The following PPP6R3 variants were observed in gnomAD, a reference collection of about 807,000 sequenced individuals.
PPP6R3 encodes the protein protein phosphatase 6 regulatory subunit 3, also known as serine/threonine-protein phosphatase 6 regulatory subunit 3.
PPP6R3 carries 38 observed loss-of-function variants against 110.7 expected under a neutral mutation model. The observed-to-expected ratio is 0.34, with a 90% CI of 0.26 to 0.45. The LOEUF (loss-of-function observed/expected upper bound fraction) is 0.45. Among genes scored for constraint, PPP6R3 ranks in the 20% least tolerant of loss-of-function variants. The pLI is 1.00. For synonymous variants in PPP6R3, 369 were observed against 373.5 expected (o/e 0.99, Z 0.14); for missense variants, 870 against 1,062.4 (o/e 0.82, Z 2.52).
chr11:68,544,040 G>A (rs903839237), intron 3 of PPP6R3, among the ~76,000 whole-genome samples: 8 of 152,172 alleles, frequency 5.3e-5, no homozygotes, highest in Admixed American at 3.9e-4. Flanking sequence ...ATGGTGGGCT[G>A]ACTTTGTGTC....
In PPP6R3 at chr11:68,537,733, A is replaced by C. The variant is rs2099278081; in HGVS notation, c.69A>C (p.Thr23=). ...CACTTCTAGAAAGAGAAGATGTAAC[A>C]CTGAAGGAGTTAATGGATGAGGAAG... ...IDTLLEREDV[T]LKELMDEEDV... Residue 23 remains threonine, a synonymous_variant, in exon 3 of 24, where the codon ACA becomes ACC. Coordinates refer to ENST00000393800, the MANE Select transcript of PPP6R3 (RefSeq NM_001164161.2). The C allele has an allele frequency of 8.7e-6, 14 of 1,613,314 alleles. No individual in the cohort carries two copies. In the East Asian group the frequency reaches 3.1e-4, roughly 36 times the overall value.
intron 14 of PPP6R3, among the ~76,000 whole-genome samples, chr11:68,581,416 T>C (rs958828177): frequency 6.6e-6 from 1 of 152,240 alleles, no homozygotes; most frequent in Non-Finnish European, 1.5e-5. Context: ...CGAATCCTAT[T>C]TTAACTTAGA....
intron 1 of PPP6R3, among the ~76,000 whole-genome samples, chr11:68,489,338 T>C (rs938320151): frequency 5.3e-5 from 8 of 152,190 alleles, no homozygotes; most frequent in African/African-American, 1.7e-4. Context: ...TTGGTTTTAA[T>C]TGATCATTTT....
In PPP6R3 at chr11:68,477,741, A is replaced by AAAAATATATAT; in HGVS notation, c.-158+16915_-158+16916insAAATATATATA. The stretch of plus-strand genomic sequence containing the variant: ...GACATTGTCTCTTAAAAAAAAAAAA[A>AAAAATATATAT]ATATATATATATATATATATATATA... On this transcript the variant is annotated intron_variant, in intron 1 of 23. Coordinates refer to ENST00000393800, the MANE Select transcript of PPP6R3 (RefSeq NM_001164161.2). Among the ~76,000 whole-genome samples, 83 of 57,886 alleles carry AAAAATATATAT rather than the reference A, an allele frequency of 1.4e-3. 1 individual carries two copies. The highest frequency in any genetic ancestry group is 0.012 in the Middle Eastern group (1 of 86). The allele number at this position is 57,886 out of a possible 152,430, so 38.0% of individuals were successfully genotyped here.
chr11:68,591,601 G>A lies in PPP6R3; in HGVS notation c.1811G>A (p.Cys604Tyr). The A allele has an allele frequency of 6.2e-7, 1 of 1,607,790 alleles. No individual in the cohort carries two copies. The highest frequency in any genetic ancestry group is 8.5e-7 in the Non-Finnish European group (1 of 1,177,820). The change falls in exon 18 of 24, where the codon TGT (cysteine) becomes TAT (tyrosine). Residue 604 changes from cysteine (C) to tyrosine (Y), a missense_variant. Transcript: ENST00000393800. ...GGAAATATTGCCTTGTTTGAAGCAT[G>A]TTGTAAGGAAAGAATACAACAGTTT... is the stretch of plus-strand genomic sequence containing the variant. ...ESGNIALFEA[C>Y]CKERIQQFDD... is the part of the protein sequence containing the mutation.
chr11:68,507,378 T>C (rs1411809636), intron 1 of PPP6R3, among the ~76,000 whole-genome samples: 2 of 152,142 alleles, frequency 1.3e-5, no homozygotes, highest in African/African-American at 2.4e-5. Flanking sequence ...TCTATAGTTA[T>C]TTTTGTTGGA....
At chr11:68,547,788 AGAAT>A (rs2099355230) in intron 4 of PPP6R3, among the ~76,000 whole-genome samples, 1 of 152,232 alleles carries the variant, frequency 6.6e-6, no homozygotes, top group Non-Finnish European at 1.5e-5. Flanking sequence ...CCATTCTTTG[AGAAT>A]GAATAATGAA....
intron 4 of PPP6R3, among the ~76,000 whole-genome samples, chr11:68,547,263 G>C (rs10219316): frequency 6.6e-6 from 1 of 152,090 alleles, no homozygotes; most frequent in Non-Finnish European, 1.5e-5. Flanking sequence ...CCACGCCCCA[G>C]AGCTTTTGAG....
intron 6 of PPP6R3, among the ~76,000 whole-genome samples, chr11:68,552,420 A>C (rs2099384866): frequency 6.6e-6 from 1 of 152,216 alleles, no homozygotes; most frequent in East Asian, 1.9e-4. Context: ...TCATACCTGG[A>C]CTTTATTAAA....
At chr11:68,594,299 G>GGAGA (rs748973539) in intron 18 of PPP6R3, among the ~76,000 whole-genome samples, 11 of 139,310 alleles carry the variant, frequency 7.9e-5, no homozygotes, top group Middle Eastern at 3.8e-3. Flanking sequence ...AGAGGAGAGA[G>GGAGA]GAGAGAGAGA....
intron 11 of PPP6R3, 144 bp from the exon 12 acceptor site, chr11:68,570,896 T>A (rs2099501690): frequency 2.0e-6 from 2 of 999,630 alleles, no homozygotes; most frequent in Admixed American, 3.2e-5. Context: ...TGCAGTAGAT[T>A]GATGATCACA....
At chr11:68,558,472 T>A in intron 7 of PPP6R3, 94 bp from the exon 8 acceptor site, 1 of 751,438 alleles carries the variant, frequency 1.3e-6, no homozygotes, top group East Asian at 2.6e-5. Flanking sequence ...GTATGAACTC[T>A]TCAGTGATGC....
In PPP6R3 at chr11:68,615,106, C is replaced by G. The variant is rs1420110935; in HGVS notation, c.*1989C>G. 2.2e-6 allele frequency: 1 copy of G among 462,466 alleles called. No individual in the cohort carries two copies. The highest frequency in any genetic ancestry group is 6.7e-5 in the East Asian group (1 of 14,850). 28.6% of individuals were successfully genotyped at this position (462,466 alleles called of 1,614,324 possible). ...CCTCTGGGACTTTTCTTTGGGGCAT[C>G]ATTTTGTTTTGTCTTTCGTAGCAGG... On this transcript the variant is annotated 3_prime_UTR_variant, in exon 24 of 24. Transcript: ENST00000393800.
At position 68,575,970 on chromosome 11, in the gene PPP6R3, A is replaced by G; in HGVS notation, c.1472A>G (p.Glu491Gly). 6.2e-7 allele frequency: 1 copy of G among 1,610,632 alleles called. No individual in the cohort carries two copies. Among genetic ancestry groups the G allele is most frequent in the South Asian group, 1.1e-5 (1 of 90,694 alleles). Residue 491 changes from glutamate (E) to glycine (G), a missense_variant, in exon 14 of 24, where the codon GAA becomes GGA. Glu to Gly is a moderately conservative substitution (Grantham distance 98). Coordinates refer to ENST00000393800, the MANE Select transcript of PPP6R3 (RefSeq NM_001164161.2). ...TCTCACTCTGAAGATCTTCCCGACG[A>G]AGTCAGGGAACGATGGGAGACGTTC... ...VQQLIKDLPDEVRERWETFCT... is the reference protein window; with the variant it reads ...VQQLIKDLPDGVRERWETFCT...
Position 68,548,171 on chromosome 11 carries a change from C to G in PPP6R3, c.519C>G (p.Ile173Met). Residue 173 changes from isoleucine (I) to methionine (M), a missense_variant, in exon 5 of 24, where the codon ATC becomes ATG. Ile to Met is a conservative substitution (Grantham distance 10). Transcript: ENST00000393800. ...MDLLLRLLTCIEPPQPRQDVL... is the reference protein window; with the variant it reads ...MDLLLRLLTCMEPPQPRQDVL... ...TGTTGCTCAGGCTCCTGACGTGTAT[C>G]GAACCTCCACAGCCCAGGCAAGATG... 8 of 1,614,152 alleles carry G rather than the reference C, an allele frequency of 5.0e-6. No homozygotes were observed. Among genetic ancestry groups the G allele is most frequent in the Non-Finnish European group, 6.8e-6 (8 of 1,180,014 alleles).
intron 5 of PPP6R3, 135 bp downstream of exon 5, chr11:68,548,339 G>C: frequency 8.6e-7 from 1 of 1,166,030 alleles, no homozygotes; most frequent in East Asian, 2.6e-5. Flanking sequence ...CCGGTAACAG[G>C]GTGGGGAAGA....
chr11:68,547,702 CAG>C (rs2099354836), intron 4 of PPP6R3, among the ~76,000 whole-genome samples: 1 of 152,180 alleles, frequency 6.6e-6, no homozygotes, highest in African/African-American at 2.4e-5. Context: ...CAAAATCTAA[CAG>C]ACATGCTTTA....
chr11:68,528,398 A>G (rs2099212570), intron 2 of PPP6R3, among the ~76,000 whole-genome samples: 1 of 133,800 alleles, frequency 7.5e-6, no homozygotes, highest in South Asian at 2.7e-4. Context: ...TATTGACTCT[A>G]GTAGGCACCT....
chr11:68,501,744 A>G (rs1477640399), intron 1 of PPP6R3, among the ~76,000 whole-genome samples: 1 of 152,200 alleles, frequency 6.6e-6, no homozygotes, highest in Non-Finnish European at 1.5e-5. Context: ...TAAATTTTTC[A>G]TGTTTTGTTT....
Sources: gnomAD v4.1 joint callset for allele counts (sites outside exome capture counted in the v4.1 genomes callset) on GRCh38, gnomAD v4.1.1 for gene constraint, MANE v1.5 for transcripts, NCBI Gene and HGNC (gene_info 2026-07-23, HGNC 2026-07-21) for gene names.